The following HPSE2 variants were observed in gnomAD, a reference collection of about 807,000 sequenced individuals.
HPSE2 encodes the protein heparanase 2 (inactive).
A neutral mutation model predicts 60.5 loss-of-function variants in HPSE2; 38 were observed. The ratio of observed to expected loss-of-function variants is 0.63; its 90% confidence interval spans 0.48 to 0.82. HPSE2 has a LOEUF of 0.82. HPSE2 is among the 40% of genes least tolerant of loss of function. The probability of loss-of-function intolerance (pLI) is 0.00; values close to 1 mark genes in which losing one functional copy is unlikely to be tolerated. For synonymous variants in HPSE2, 295 were observed against 293.2 expected (o/e 1.01, Z -0.06); for missense variants, 713 against 740.4 (o/e 0.96, Z 0.43).
At chr10:98,884,095 T>C (rs1041350273) in intron 3 of HPSE2, among the ~76,000 whole-genome samples, 2 of 152,136 alleles carry the variant, frequency 1.3e-5, no homozygotes, top group Admixed American at 6.6e-5. Flanking sequence ...TTTAGTGGTC[T>C]AGATAGGTCA....
intron 3 of HPSE2, among the ~76,000 whole-genome samples, chr10:98,970,774 C>G (rs1399071087): frequency 2.6e-5 from 4 of 152,070 alleles, no homozygotes; most frequent in Non-Finnish European, 5.9e-5. Context: ...AAAAGGTCAT[C>G]AAACAACATG....
At chr10:98,748,465 A>G (rs1949678505) in intron 3 of HPSE2, among the ~76,000 whole-genome samples, 1 of 152,206 alleles carries the variant, frequency 6.6e-6, no homozygotes, top group Non-Finnish European at 1.5e-5. Context: ...CTTAAAGATT[A>G]CTTTCTACTC....
At chr10:98,931,687 C>T (rs1954644688) in intron 3 of HPSE2, among the ~76,000 whole-genome samples, 1 of 143,310 alleles carries the variant, frequency 7.0e-6, no homozygotes, top group Non-Finnish European at 1.5e-5. Context: ...CTTCACTACC[C>T]TCATTAGCTG....
chr10:99,233,343 C>G (rs937842132), intron 1 of HPSE2, among the ~76,000 whole-genome samples: 1 of 152,190 alleles, frequency 6.6e-6, no homozygotes, highest in Non-Finnish European at 1.5e-5. Flanking sequence ...TTCTTTCCCA[C>G]TTGGGGCCGT....
At chr10:98,534,151 G>C (rs1306371069) in intron 9 of HPSE2, among the ~76,000 whole-genome samples, 2 of 152,226 alleles carry the variant, frequency 1.3e-5, no homozygotes, top group Non-Finnish European at 2.9e-5. Flanking sequence ...GGTGGCATCT[G>C]CTCTGAAGAT....
intron 9 of HPSE2, among the ~76,000 whole-genome samples, chr10:98,513,696 A>C (rs1043329540): frequency 6.6e-6 from 1 of 152,188 alleles, no homozygotes; most frequent in Non-Finnish European, 1.5e-5. Context: ...GGTAAGAGCT[A>C]TTTTTTGGCA....
chr10:99,053,232 T>C (rs1958030475), intron 3 of HPSE2, among the ~76,000 whole-genome samples: 1 of 151,870 alleles, frequency 6.6e-6, no homozygotes, highest in African/African-American at 2.4e-5. Context: ...CCAAAAAGGA[T>C]GGGTGAGAAG....
chr10:99,075,969 T>C (rs931315102), intron 3 of HPSE2, among the ~76,000 whole-genome samples: 4 of 152,180 alleles, frequency 2.6e-5, no homozygotes, highest in African/African-American at 9.6e-5. Flanking sequence ...TTTTAATTCA[T>C]TCAGCCACAC....
intron 3 of HPSE2, among the ~76,000 whole-genome samples, chr10:99,099,753 G>C (rs2135633386): frequency 6.6e-6 from 1 of 152,288 alleles, no homozygotes; most frequent in East Asian, 1.9e-4. Flanking sequence ...AGTAGGGGCA[G>C]AGTGACACCT....
intron 9 of HPSE2, among the ~76,000 whole-genome samples, chr10:98,556,670 A>G (rs1944016890): frequency 6.6e-6 from 1 of 152,218 alleles, no homozygotes; most frequent in Non-Finnish European, 1.5e-5. Flanking sequence ...AGAACTCAAA[A>G]TAAATGAAGG....
chr10:98,484,969 G>C (rs935845366), intron 10 of HPSE2, among the ~76,000 whole-genome samples: 1 of 152,172 alleles, frequency 6.6e-6, no homozygotes, highest in Non-Finnish European at 1.5e-5. Context: ...TTCAAAGGAG[G>C]AGTTCAGAGA....
chr10:99,290,743 G>A, the HPSE2 span, among the ~76,000 whole-genome samples: 121 of 152,250 alleles, frequency 7.9e-4, 1 homozygote, highest in Non-Finnish European at 5.7e-4. Flanking sequence ...CCAAGCCTCA[G>A]TTTAATGGTA....
chr10:98,615,019 C>T lies in HPSE2; in HGVS notation c.1206-1G>A. 1 of 1,605,848 alleles carries T rather than the reference C, an allele frequency of 6.2e-7. No individual in the cohort carries two copies. Among genetic ancestry groups the T allele is most frequent in the Non-Finnish European group, 8.5e-7 (1 of 1,172,524 alleles). On this transcript the variant is annotated splice_acceptor_variant, in intron 8 of 11. Transcript: ENST00000370552. LOFTEE classifies it high-confidence loss of function. ...CAGCATTCCTAAAGTGTTCAACCAT[C>T]TAAAAGGCAGAGAAAAAGAGCTACA... is the stretch of plus-strand genomic sequence containing the variant.
At chr10:98,575,867 GT>G (rs1473046387) in intron 9 of HPSE2, among the ~76,000 whole-genome samples, 1 of 152,062 alleles carries the variant, frequency 6.6e-6, no homozygotes, top group Non-Finnish European at 1.5e-5. Context: ...TTAACTGTAT[GT>G]TTGAGTTAAA....
chr10:98,914,214 G>C lies in HPSE2; in HGVS notation c.611-170158C>G, dbSNP rs556256171. Among the ~76,000 whole-genome samples, 510 of 152,166 alleles carry C rather than the reference G, an allele frequency of 3.4e-3. 4 individuals are homozygous for C. The highest frequency in any genetic ancestry group is 0.012 in the African/African-American group (487 of 41,518). On this transcript the variant is annotated intron_variant, in intron 3 of 11. Coordinates refer to ENST00000370552, the MANE Select transcript of HPSE2 (RefSeq NM_021828.5). The stretch of plus-strand genomic sequence containing the variant: ...AGATCTGATGGTTCTATAAGGGGGA[G>C]TTTCCCTGCACAAGCTCTCATTTTT...
intron 9 of HPSE2, among the ~76,000 whole-genome samples, chr10:98,605,266 G>A (rs1945545183): frequency 6.6e-6 from 1 of 152,150 alleles, no homozygotes; most frequent in African/African-American, 2.4e-5. Flanking sequence ...GGGATAATGA[G>A]TGAACAAGAC....
chr10:99,005,471 G>A (rs1000803018), intron 3 of HPSE2, among the ~76,000 whole-genome samples: 4 of 151,956 alleles, frequency 2.6e-5, no homozygotes, highest in African/African-American at 9.7e-5. Flanking sequence ...CATTCATTGT[G>A]TCTTTCAGCT....
chr10:98,480,578 T>C (rs1336316113), intron 11 of HPSE2, among the ~76,000 whole-genome samples: 1 of 152,008 alleles, frequency 6.6e-6, no homozygotes, highest in East Asian at 1.9e-4. Context: ...GGCAGGGACG[T>C]AGGGGTGGGG....
chr10:99,145,355 G>A (rs2135782079), intron 2 of HPSE2, among the ~76,000 whole-genome samples: 1 of 136,426 alleles, frequency 7.3e-6, no homozygotes, highest in South Asian at 2.7e-4. Context: ...TATTTGGGAG[G>A]CTGAGGCAGG....
Sources: gnomAD v4.1 joint callset for allele counts (sites outside exome capture counted in the v4.1 genomes callset) on GRCh38, gnomAD v4.1.1 for gene constraint, MANE v1.5 for transcripts, NCBI Gene and HGNC (gene_info 2026-07-23, HGNC 2026-07-21) for gene names.